CFAP299: variants seen among roughly 807,000 people sequenced by gnomAD.
CFAP299 encodes the protein cilia- and flagella-associated protein 299.
Under a neutral mutation model 27.0 loss-of-function variants are expected in CFAP299, and 21 were observed. That is an observed-to-expected ratio of 0.78 (90% CI 0.55 to 1.12). The LOEUF (loss-of-function observed/expected upper bound fraction) is 1.12, where lower values mean the gene tolerates loss of function less well. Among genes scored for constraint, CFAP299 ranks in the 50% most tolerant of loss-of-function variants. CFAP299 has a pLI of 0.00. For synonymous variants in CFAP299, 104 were observed against 98.1 expected, an observed-to-expected ratio of 1.06 and a Z score of -0.36; for missense variants, 310 against 276.6, an observed-to-expected ratio of 1.12 and a Z score of -0.86.
intron 3 of CFAP299, among the ~76,000 whole-genome samples, chr4:80,768,242 A>G (rs557893733): frequency 6.6e-6 from 1 of 152,216 alleles, no homozygotes; most frequent in Non-Finnish European, 1.5e-5. Context: ...GATGTTCTCA[A>G]GAAGTCGCAT....
chr4:80,837,702 T>G (rs1324022277), intron 3 of CFAP299, among the ~76,000 whole-genome samples: 1 of 152,220 alleles, frequency 6.6e-6, no homozygotes, highest in Admixed American at 6.5e-5. Flanking sequence ...ACATTTGGGT[T>G]GGTTCCAAGT....
intron 2 of CFAP299, chr4:80,387,939 T>G: frequency 1.2e-6 from 1 of 816,308 alleles, no homozygotes; most frequent in East Asian, 2.4e-5. Context: ...GTTTGGTCCT[T>G]TGGGTGTTTG....
chr4:80,359,469 TTCC>T (rs1394663148), intron 1 of CFAP299, among the ~76,000 whole-genome samples: 2 of 152,186 alleles, frequency 1.3e-5, no homozygotes, highest in Non-Finnish European at 2.9e-5. Flanking sequence ...AGTCCATAGA[TTCC>T]ATCTCTTTAC....
chr4:80,722,070 A>G (rs747512317), intron 3 of CFAP299, among the ~76,000 whole-genome samples: 5 of 152,184 alleles, frequency 3.3e-5, no homozygotes, highest in Admixed American at 6.5e-5. Flanking sequence ...AAATTATTGA[A>G]ATATCTGCAA....
At chr4:80,776,346 G>A (rs546269795) in intron 3 of CFAP299, among the ~76,000 whole-genome samples, 1 of 152,006 alleles carries the variant, frequency 6.6e-6, no homozygotes, top group African/African-American at 2.4e-5. Context: ...TTTCAAACTC[G>A]TGGTGCTTCT....
chr4:80,357,978 G>A lies in CFAP299; in HGVS notation c.112-4776G>A, dbSNP rs188131833. On this transcript the variant is annotated intron_variant, in intron 1 of 5. Transcript: ENST00000358105. ...CAACTTTTTGATATGGGCATTTAGT[G>A]CTATAAATTTCCCTCTTGACACTGT... 9.2e-4 allele frequency among the ~76,000 whole-genome samples: 140 copies of A among 152,168 alleles called. No homozygotes were observed. In the East Asian group the frequency reaches 0.018, roughly 19 times the overall value.
chr4:80,469,883 A>G (rs1379898430), intron 2 of CFAP299, among the ~76,000 whole-genome samples: 1 of 152,070 alleles, frequency 6.6e-6, no homozygotes, highest in Non-Finnish European at 1.5e-5. Context: ...AAATTACCTT[A>G]TGAGTCCTTA....
chr4:80,639,285 A>C (rs1331706596), intron 3 of CFAP299, among the ~76,000 whole-genome samples: 1 of 152,214 alleles, frequency 6.6e-6, no homozygotes, highest in African/African-American at 2.4e-5. Context: ...TGAGTAAAAT[A>C]CAAATACTCT....
At chr4:80,664,203 C>G (rs930081241) in intron 3 of CFAP299, among the ~76,000 whole-genome samples, 1 of 152,098 alleles carries the variant, frequency 6.6e-6, no homozygotes, top group African/African-American at 2.4e-5. Flanking sequence ...GGGCAGACAC[C>G]AAGCTAGCTG....
chr4:80,527,275 GA>G (rs1008791034), intron 2 of CFAP299, among the ~76,000 whole-genome samples: 2 of 151,094 alleles, frequency 1.3e-5, no homozygotes, highest in Non-Finnish European at 1.5e-5. Flanking sequence ...TTGTTCTTGT[GA>G]AAAAAAACAT....
intron 3 of CFAP299, among the ~76,000 whole-genome samples, chr4:80,845,966 T>C (rs556679852): frequency 6.6e-6 from 1 of 152,264 alleles, no homozygotes; most frequent in East Asian, 1.9e-4. Context: ...GTAGAAGAAA[T>C]ACATTTTTAT....
At chr4:80,364,741 G>A (rs1202904521) in intron 2 of CFAP299, among the ~76,000 whole-genome samples, 1 of 152,142 alleles carries the variant, frequency 6.6e-6, no homozygotes, top group Non-Finnish European at 1.5e-5. Flanking sequence ...TCTTCCTGAT[G>A]CTCTTGCTTC....
chr4:80,527,659 C>T (rs970297306), intron 2 of CFAP299, among the ~76,000 whole-genome samples: 5 of 152,060 alleles, frequency 3.3e-5, no homozygotes, highest in African/African-American at 7.2e-5. Flanking sequence ...TCCATTTCAC[C>T]GAAACTGCAT....
chr4:80,740,653 G>A (rs1724206297), intron 3 of CFAP299, among the ~76,000 whole-genome samples: 1 of 152,190 alleles, frequency 6.6e-6, no homozygotes, highest in African/African-American at 2.4e-5. Context: ...GTCCAGAGAT[G>A]CTCGTTAGGA....
intron 3 of CFAP299, among the ~76,000 whole-genome samples, chr4:80,758,124 C>T (rs904106347): frequency 6.6e-6 from 1 of 152,170 alleles, no homozygotes; most frequent in Admixed American, 6.5e-5. Flanking sequence ...GTGTGACAGC[C>T]TTTTGCACCT....
chr4:80,905,157 A>G (rs1735119139), intron 4 of CFAP299, among the ~76,000 whole-genome samples: 1 of 152,200 alleles, frequency 6.6e-6, no homozygotes, highest in South Asian at 2.1e-4. Flanking sequence ...AAACTGGAAA[A>G]GCTTAGTTAA....
intron 2 of CFAP299, among the ~76,000 whole-genome samples, chr4:80,457,678 T>C (rs2110102905): frequency 6.6e-6 from 1 of 152,282 alleles, no homozygotes; most frequent in African/African-American, 2.4e-5. Flanking sequence ...CATTTTAAGA[T>C]GTTTTTCGGG....
At chr4:80,465,335 A>G (rs1729649671) in intron 2 of CFAP299, among the ~76,000 whole-genome samples, 1 of 152,188 alleles carries the variant, frequency 6.6e-6, no homozygotes, top group South Asian at 2.1e-4. Context: ...CTGGCAGGAG[A>G]GGAGGGTGAT....
chr4:80,548,226 C>T (rs1325679547), intron 2 of CFAP299, among the ~76,000 whole-genome samples: 4 of 152,056 alleles, frequency 2.6e-5, no homozygotes, highest in Admixed American at 6.6e-5. Context: ...TCCTTTACAG[C>T]AACATGGATG....
Sources: allele counts gnomAD v4.1 joint callset (sites outside exome capture counted in the v4.1 genomes callset), GRCh38; gene constraint gnomAD v4.1.1; transcripts MANE v1.5; gene names NCBI Gene and HGNC (gene_info 2026-07-23, HGNC 2026-07-21).